DLGAP2: variants seen among roughly 807,000 people sequenced by gnomAD.
DLGAP2 encodes the protein disks large-associated protein 2.
DLGAP2 carries 26 observed loss-of-function variants against 100.3 expected under a neutral mutation model. The observed-to-expected ratio is 0.26, with a 90% CI of 0.19 to 0.36. The LOEUF (loss-of-function observed/expected upper bound fraction) is 0.36. Among genes scored for constraint, DLGAP2 ranks in the 10% least tolerant of loss-of-function variants. The pLI is 1.00. For synonymous variants in DLGAP2, 886 were observed against 630.1 expected, an observed-to-expected ratio of 1.41 and a Z score of -6.08; for missense variants, 1,858 against 1,453.2, an observed-to-expected ratio of 1.28 and a Z score of -4.53.
At chr8:984,118 A>G (rs777811962) in intron 2 of DLGAP2, among the ~76,000 whole-genome samples, 4 of 152,164 alleles carry the variant, frequency 2.6e-5, no homozygotes, top group Non-Finnish European at 5.9e-5. Flanking sequence ...GAAACTGTTT[A>G]TTGGGATTCC....
chr8:1,239,902 G>A (rs1798746265), intron 2 of DLGAP2, among the ~76,000 whole-genome samples: 2 of 129,476 alleles, frequency 1.5e-5, no homozygotes, highest in Admixed American at 1.5e-4. Flanking sequence ...ATGGTGCCAT[G>A]TCTAGTTCTC....
chr8:1,337,436 T>G (rs1400200797), intron 3 of DLGAP2, among the ~76,000 whole-genome samples: 11 of 120,860 alleles, frequency 9.1e-5, no homozygotes, highest in African/African-American at 1.1e-4. Flanking sequence ...GTGATGGTGA[T>G]GATGATGATG....
Position 1,288,853 on chromosome 8 carries a change from T to C in DLGAP2, c.106+29970T>C, listed in dbSNP as rs552390713. ...TGTACATGGTTCTGTTAGGTTCTAT[T>C]ACACAGTGTTCATTCCTCCATAGGC... On this transcript the variant is annotated intron_variant, in intron 3 of 14. Coordinates refer to ENST00000637795, the MANE Select transcript of DLGAP2 (RefSeq NM_001346810.2). 7.3e-4 allele frequency among the ~76,000 whole-genome samples: 111 copies of C among 152,242 alleles called. 2 individuals carry two copies. The South Asian group carries it at 0.023, about 32-fold the overall frequency.
At chr8:1,181,768 G>A (rs1320338441) in intron 2 of DLGAP2, among the ~76,000 whole-genome samples, 4 of 152,142 alleles carry the variant, frequency 2.6e-5, no homozygotes, top group Non-Finnish European at 5.9e-5. Context: ...TCCCCAGGCT[G>A]GGCTAGGGAT....
intron 1 of DLGAP2, among the ~76,000 whole-genome samples, chr8:870,580 C>G (rs1002682012): frequency 2.6e-5 from 4 of 152,218 alleles, no homozygotes; most frequent in African/African-American, 4.8e-5. Flanking sequence ...ACTTCCTGCT[C>G]TGGTTCCTGG....
intron 2 of DLGAP2, among the ~76,000 whole-genome samples, chr8:1,236,265 G>A (rs1798652102): frequency 2.3e-5 from 1 of 44,072 alleles, no homozygotes; most frequent in African/African-American, 1.2e-4. Flanking sequence ...CTCACATGGT[G>A]CCGTTTCTAG....
intron 3 of DLGAP2, among the ~76,000 whole-genome samples, chr8:1,272,229 G>A (rs1799598276): frequency 6.6e-6 from 1 of 152,152 alleles, no homozygotes; most frequent in South Asian, 2.1e-4. Context: ...AGGACAAATT[G>A]AATTTGAGTT....
intron 3 of DLGAP2, among the ~76,000 whole-genome samples, chr8:1,479,082 G>C (rs780947736): frequency 6.6e-6 from 1 of 152,258 alleles, no homozygotes; most frequent in African/African-American, 2.4e-5. Context: ...GAGCACAAAG[G>C]CCTCTGAGGG....
intron 3 of DLGAP2, among the ~76,000 whole-genome samples, chr8:1,343,303 G>C (rs1032450884): frequency 6.6e-6 from 1 of 152,198 alleles, no homozygotes; most frequent in Non-Finnish European, 1.5e-5. Context: ...CTCTCCCGTG[G>C]AGTCACACAG....
At chr8:1,227,495 T>C (rs920756032) in intron 2 of DLGAP2, among the ~76,000 whole-genome samples, 2 of 149,866 alleles carry the variant, frequency 1.3e-5, no homozygotes, top group African/African-American at 4.9e-5. Context: ...TTGCTTCTTT[T>C]CTTTTCTTTT....
intron 2 of DLGAP2, among the ~76,000 whole-genome samples, chr8:1,099,167 C>G (rs1463931578): frequency 6.6e-6 from 1 of 152,176 alleles, no homozygotes; most frequent in African/African-American, 2.4e-5. Context: ...AAAGTGCCCA[C>G]GTGCCTGGTG....
chr8:1,357,712 G>A (rs575321051), intron 3 of DLGAP2, among the ~76,000 whole-genome samples: 11 of 152,264 alleles, frequency 7.2e-5, no homozygotes, highest in East Asian at 3.9e-4. Context: ...GCCTTGCTGC[G>A]ATACGCAGCA....
chr8:1,604,042 C>T (rs1796716346), intron 6 of DLGAP2, among the ~76,000 whole-genome samples: 1 of 152,082 alleles, frequency 6.6e-6, no homozygotes, highest in Admixed American at 6.6e-5. Flanking sequence ...ATTCTGATGC[C>T]CAAGACACAG....
intron 2 of DLGAP2, among the ~76,000 whole-genome samples, chr8:1,240,775 C>G (rs1259440748): frequency 4.2e-5 from 1 of 23,984 alleles, no homozygotes. Flanking sequence ...CTAGTTGTCT[C>G]ACATGGTGCC....
At chr8:1,231,533 C>G (rs1462209186) in intron 2 of DLGAP2, among the ~76,000 whole-genome samples, 1 of 152,162 alleles carries the variant, frequency 6.6e-6, no homozygotes, top group African/African-American at 2.4e-5. Context: ...CACATGCACT[C>G]ACCTATTCAT....
At chr8:847,064 A>T (rs907413087) in intron 1 of DLGAP2, among the ~76,000 whole-genome samples, 1 of 152,078 alleles carries the variant, frequency 6.6e-6, no homozygotes, top group Non-Finnish European at 1.5e-5. Context: ...GAATTCTTTT[A>T]CCTTACATAT....
chr8:954,031 C>A (rs767663710), intron 2 of DLGAP2, among the ~76,000 whole-genome samples: 1 of 152,194 alleles, frequency 6.6e-6, no homozygotes, highest in African/African-American at 2.4e-5. Flanking sequence ...GCAGCTAGCT[C>A]TCCCCTATGT....
chr8:1,636,010 C>T (rs1156788163), intron 8 of DLGAP2, among the ~76,000 whole-genome samples: 3 of 152,154 alleles, frequency 2.0e-5, no homozygotes, highest in African/African-American at 4.8e-5. Flanking sequence ...CGCATATAAA[C>T]GTTCCTTCGT....
At chr8:1,527,828 C>T (rs975593508) in intron 4 of DLGAP2, among the ~76,000 whole-genome samples, 1 of 151,984 alleles carries the variant, frequency 6.6e-6, no homozygotes, top group Non-Finnish European at 1.5e-5. Flanking sequence ...CTACCTGAAG[C>T]CCAAGGGAAA....
Sources: gnomAD v4.1 joint callset for allele counts (sites outside exome capture counted in the v4.1 genomes callset) on GRCh38, gnomAD v4.1.1 for gene constraint, MANE v1.5 for transcripts, NCBI Gene and HGNC (gene_info 2026-07-23, HGNC 2026-07-21) for gene names.